MARCHF1: variants seen among roughly 807,000 people sequenced by gnomAD.
The protein encoded by MARCHF1 is E3 ubiquitin-protein ligase MARCHF1.
In MARCHF1, 40 loss-of-function variants were observed where a neutral mutation model predicts 54.2. The ratio of observed to expected loss-of-function variants is 0.74; its 90% confidence interval spans 0.57 to 0.96. The LOEUF (loss-of-function observed/expected upper bound fraction) is 0.96. MARCHF1 is among the 40% of genes least tolerant of loss of function. The pLI, the probability that MARCHF1 is intolerant of heterozygous loss-of-function variation, is 0.00. For missense variants in MARCHF1, 586 were observed against 656.5 expected, an observed-to-expected ratio of 0.89 and a Z score of 1.17; for synonymous variants, 236 against 236.3, an observed-to-expected ratio of 1.00 and a Z score of 0.01.
Position 163,882,139 on chromosome 4 carries a change from T to C in MARCHF1, c.-38-27970A>G, listed in dbSNP as rs939544237. ...AATACAGTACTTCACAGAGCAGAGA[T>C]TAATGGAAATTTTTGGATGTCTTAT... On this transcript the variant is annotated intron_variant, in intron 3 of 9. Coordinates refer to ENST00000514618, the MANE Select transcript of MARCHF1 (RefSeq NM_001394959.1). 5.3e-5 allele frequency among the ~76,000 whole-genome samples: 8 copies of C among 152,316 alleles called. No individual in the cohort carries two copies. The South Asian group carries it at 1.7e-3, about 32-fold the overall frequency.
chr4:164,189,473 G>T (rs534853036), intron 1 of MARCHF1: 2 of 711,830 alleles, frequency 2.8e-6, no homozygotes, highest in Non-Finnish European at 5.1e-6. Context: ...GGCTCTACTC[G>T]AATTCCAAAG....
At chr4:164,307,889 G>A (rs1011512012) in intron 1 of MARCHF1, among the ~76,000 whole-genome samples, 3 of 152,112 alleles carry the variant, frequency 2.0e-5, no homozygotes, top group Non-Finnish European at 2.9e-5. Flanking sequence ...AGAATAATGA[G>A]CTTAATGTTT....
intron 1 of MARCHF1, among the ~76,000 whole-genome samples, chr4:164,238,479 A>G (rs1202718472): frequency 6.6e-6 from 1 of 152,098 alleles, no homozygotes; most frequent in Non-Finnish European, 1.5e-5. Flanking sequence ...ATCCCTTGAT[A>G]GCCTTATATT....
intron 1 of MARCHF1, among the ~76,000 whole-genome samples, chr4:164,347,379 T>C (rs1561011847): frequency 6.6e-6 from 1 of 152,190 alleles, no homozygotes; most frequent in East Asian, 1.9e-4. Context: ...TTCTTTTCTT[T>C]GCCAGAAACA....
At chr4:163,782,857 T>C (rs796287294) in intron 4 of MARCHF1, among the ~76,000 whole-genome samples, 9 of 152,092 alleles carry the variant, frequency 5.9e-5, no homozygotes, top group African/African-American at 1.9e-4. Flanking sequence ...TGGTCTCCAT[T>C]GGGCTTGCAA....
intron 1 of MARCHF1, among the ~76,000 whole-genome samples, chr4:164,360,577 G>A (rs1730695616): frequency 6.6e-6 from 1 of 152,112 alleles, no homozygotes; most frequent in African/African-American, 2.4e-5. Flanking sequence ...ATCACCCAAA[G>A]AGTTGTTTAA....
At chr4:163,961,109 C>G (rs912645853) in intron 3 of MARCHF1, among the ~76,000 whole-genome samples, 2 of 151,938 alleles carry the variant, frequency 1.3e-5, no homozygotes, top group Non-Finnish European at 2.9e-5. Context: ...TAAAGAACCT[C>G]TCTCCAAAGA....
intron 3 of MARCHF1, among the ~76,000 whole-genome samples, chr4:163,980,874 A>G (rs571641628): frequency 1.3e-5 from 2 of 152,372 alleles, no homozygotes; most frequent in East Asian, 3.9e-4. Context: ...ATAAAATTGG[A>G]AAGTAAAACT....
Position 163,750,744 on chromosome 4 carries a change from A to G in MARCHF1, c.112-49881T>C, listed in dbSNP as rs368300057. Among the ~76,000 whole-genome samples the G allele has an allele frequency of 2.6e-5, 4 of 152,226 alleles. 1 individual carries two copies. The highest frequency in any genetic ancestry group is 9.6e-5 in the African/African-American group (4 of 41,556). ...AGAATATTTAGGGGAGAAAAATGAA[A>G]GGACAACTTAATTCTTGAACAAAGG... On this transcript the variant is annotated intron_variant, in intron 4 of 9. Coordinates refer to ENST00000514618, the MANE Select transcript of MARCHF1 (RefSeq NM_001394959.1).
chr4:163,738,018 G>C (rs1746096057), intron 4 of MARCHF1, among the ~76,000 whole-genome samples: 1 of 152,198 alleles, frequency 6.6e-6, no homozygotes, highest in Non-Finnish European at 1.5e-5. Flanking sequence ...AGCAGTTTAG[G>C]CTTCCTGGTG....
At chr4:163,666,576 CCTT>C (rs1743540685) in intron 5 of MARCHF1, among the ~76,000 whole-genome samples, 1 of 152,132 alleles carries the variant, frequency 6.6e-6, no homozygotes, top group Admixed American at 6.6e-5. Context: ...AATAGCTCAT[CCTT>C]CTTGAGTTGA....
At chr4:163,960,929 C>T (rs1487346720) in intron 3 of MARCHF1, among the ~76,000 whole-genome samples, 2 of 151,802 alleles carry the variant, frequency 1.3e-5, no homozygotes, top group Non-Finnish European at 2.9e-5. Context: ...GGTGAGGCCT[C>T]ATTTTCTAGC....
At chr4:164,320,993 T>C (rs1735127126) in intron 1 of MARCHF1, among the ~76,000 whole-genome samples, 1 of 152,144 alleles carries the variant, frequency 6.6e-6, no homozygotes, top group Non-Finnish European at 1.5e-5. Flanking sequence ...AGTGAGAGCC[T>C]GGGACAAGCA....
intron 4 of MARCHF1, among the ~76,000 whole-genome samples, chr4:163,701,914 T>A (rs1744820618): frequency 6.6e-6 from 1 of 152,116 alleles, no homozygotes; most frequent in Non-Finnish European, 1.5e-5. Flanking sequence ...ACATAGGTCA[T>A]TTTTGAGAAC....
chr4:164,326,482 C>G (rs1423668989), intron 1 of MARCHF1, among the ~76,000 whole-genome samples: 1 of 152,106 alleles, frequency 6.6e-6, no homozygotes, highest in African/African-American at 2.4e-5. Flanking sequence ...ACACATGACT[C>G]TAAAGATAGT....
intron 2 of MARCHF1, among the ~76,000 whole-genome samples, chr4:164,095,626 A>T (rs1387244226): frequency 6.6e-6 from 1 of 152,180 alleles, no homozygotes; most frequent in Non-Finnish European, 1.5e-5. Flanking sequence ...TAGTTTCATT[A>T]TGAACTGTAT....
intron 5 of MARCHF1, among the ~76,000 whole-genome samples, chr4:163,696,392 T>C (rs968245156): frequency 6.6e-6 from 1 of 152,190 alleles, no homozygotes. Context: ...TTCCATTTCA[T>C]ACATACTCAT....
chr4:163,753,248 G>A (rs1052134984), intron 4 of MARCHF1, among the ~76,000 whole-genome samples: 46 of 151,852 alleles, frequency 3.0e-4, no homozygotes, highest in African/African-American at 9.9e-4. Flanking sequence ...CTGAACCTAC[G>A]ATTGCTTTTT....
chr4:164,189,799 T>C, intron 1 of MARCHF1: 2 of 1,574,932 alleles, frequency 1.3e-6, no homozygotes, highest in Non-Finnish European at 1.7e-6. Flanking sequence ...ACAAAAGACA[T>C]TCATCTTCTG....
Sources: allele counts gnomAD v4.1 joint callset (sites outside exome capture counted in the v4.1 genomes callset), GRCh38; gene constraint gnomAD v4.1.1; transcripts MANE v1.5; gene names NCBI Gene and HGNC (gene_info 2026-07-23, HGNC 2026-07-21).